POU6F2: variants seen among roughly 807,000 people sequenced by gnomAD.
POU6F2 encodes the protein POU class 6 homeobox 2, also known as POU domain, class 6, transcription factor 2.
POU6F2 carries 31 observed loss-of-function variants against 71.3 expected under a neutral mutation model. The ratio of observed to expected loss-of-function variants is 0.43; its 90% CI spans 0.33 to 0.59. The LOEUF (loss-of-function observed/expected upper bound fraction) is 0.59, where lower values mean the gene tolerates loss of function less well. POU6F2 is among the 20% of genes least tolerant of loss of function. The pLI, the probability that POU6F2 is intolerant of heterozygous loss-of-function variation, is 0.04. For synonymous variants in POU6F2, 347 were observed against 355.7 expected, an observed-to-expected ratio of 0.98 and a Z score of 0.27; for missense variants, 783 against 856.8, an observed-to-expected ratio of 0.91 and a Z score of 1.07.
intron 1 of POU6F2, among the ~76,000 whole-genome samples, chr7:39,054,165 A>G (rs981575449): frequency 6.6e-6 from 1 of 152,148 alleles, no homozygotes; most frequent in African/African-American, 2.4e-5. Context: ...AAATGTTTAT[A>G]TATTTTTTAG....
At chr7:39,132,202 T>C (rs770353871) in intron 2 of POU6F2, among the ~76,000 whole-genome samples, 2 of 152,210 alleles carry the variant, frequency 1.3e-5, no homozygotes, top group Non-Finnish European at 2.9e-5. Flanking sequence ...GTAATTTGTC[T>C]GGTCATTTTG....
At chr7:38,988,450 T>A (rs1469892631) in intron 1 of POU6F2, among the ~76,000 whole-genome samples, 1 of 152,160 alleles carries the variant, frequency 6.6e-6, no homozygotes, top group Non-Finnish European at 1.5e-5. Flanking sequence ...AGAAGAGGAA[T>A]GGAGGGAATG....
At chr7:39,354,386 C>A (rs927750469) in intron 5 of POU6F2, among the ~76,000 whole-genome samples, 1 of 152,124 alleles carries the variant, frequency 6.6e-6, no homozygotes, top group Non-Finnish European at 1.5e-5. Context: ...TAGGAAAAAA[C>A]CTTTAGAAAA....
At chr7:39,238,108 G>A (rs1338580378) in intron 4 of POU6F2, among the ~76,000 whole-genome samples, 1 of 152,058 alleles carries the variant, frequency 6.6e-6, no homozygotes, top group Non-Finnish European at 1.5e-5. Flanking sequence ...TCTGAGGTTC[G>A]CTCACGGGTC....
chr7:39,254,817 ATCT>A (rs1450652572), intron 4 of POU6F2, among the ~76,000 whole-genome samples: 2 of 152,200 alleles, frequency 1.3e-5, no homozygotes, highest in Non-Finnish European at 2.9e-5. Context: ...CAACACATGT[ATCT>A]TCTAAGAGAG....
chr7:39,276,706 G>A (rs112456185), intron 4 of POU6F2, among the ~76,000 whole-genome samples: 73,616 of 151,288 alleles, frequency 0.49, 19,465 homozygotes, highest in East Asian at 0.68. Flanking sequence ...TATACACCAT[G>A]GAATACTATG....
At chr7:39,012,328 C>T (rs942002283) in intron 1 of POU6F2, among the ~76,000 whole-genome samples, 1 of 152,048 alleles carries the variant, frequency 6.6e-6, no homozygotes, top group African/African-American at 2.4e-5. Flanking sequence ...GCTCCTGAGT[C>T]TTCTGCATTC....
At chr7:39,156,542 A>G (rs938073708) in intron 2 of POU6F2, among the ~76,000 whole-genome samples, 2 of 152,184 alleles carry the variant, frequency 1.3e-5, no homozygotes, top group African/African-American at 4.8e-5. Context: ...CAGAAATTTG[A>G]GAGATACTGC....
chr7:39,117,779 A>T (rs187633681), intron 2 of POU6F2, among the ~76,000 whole-genome samples: 1 of 152,088 alleles, frequency 6.6e-6, no homozygotes, highest in Non-Finnish European at 1.5e-5. Context: ...GAGCATGAAG[A>T]TCTCTCCTGC....
intron 6 of POU6F2, among the ~76,000 whole-genome samples, chr7:39,419,176 C>T (rs954823291): frequency 1.5e-5 from 2 of 137,914 alleles, no homozygotes; most frequent in African/African-American, 2.8e-5. Flanking sequence ...CATATATATA[C>T]GTATATATGT....
At chr7:39,358,861 T>G in intron 5 of POU6F2, among the ~76,000 whole-genome samples, 1 of 137,696 alleles carries the variant, frequency 7.3e-6, no homozygotes, top group South Asian at 2.4e-4. Flanking sequence ...AGTGGAGCTG[T>G]ACTTCTGTAT....
chr7:39,015,514 TATAA>T (rs10544661), intron 1 of POU6F2, among the ~76,000 whole-genome samples: 27,588 of 112,058 alleles, frequency 0.25, 4,834 homozygotes, highest in East Asian at 0.4. Flanking sequence ...TTATTATATA[TATAA>T]TATATCTATG....
intron 4 of POU6F2, among the ~76,000 whole-genome samples, chr7:39,215,328 G>C (rs886753493): frequency 9.9e-5 from 15 of 152,130 alleles, no homozygotes; most frequent in African/African-American, 3.6e-4. Context: ...CTGGGCAACA[G>C]AGTGAGACTC....
In POU6F2 at chr7:39,207,660, G is replaced by A. The variant is rs370706772; in HGVS notation, c.598+40G>A. 9.3e-5 allele frequency: 146 copies of A among 1,566,828 alleles called. No homozygotes were observed. The African/African-American group carries it at 1.3e-3, about 14-fold the overall frequency. On this transcript the variant is annotated intron_variant, in intron 4 of 9. Transcript: ENST00000518318. ...CCATGCGCCACGTAAGGCTCTACCC[G>A]TTGGCCAGTATTCTCTGAAGTGGGC...
chr7:39,459,507 A>G (rs1301510918), intron 8 of POU6F2, among the ~76,000 whole-genome samples: 1 of 151,620 alleles, frequency 6.6e-6, no homozygotes, highest in African/African-American at 2.4e-5. Flanking sequence ...CACGACAACT[A>G]GAGTTTCCAT....
At position 39,179,191 on chromosome 7, in the gene POU6F2, T is replaced by C. The variant is rs554687247; in HGVS notation, c.278-25044T>C. On this transcript the variant is annotated intron_variant, in intron 2 of 9. Coordinates refer to ENST00000518318, the MANE Select transcript of POU6F2 (RefSeq NM_001370959.1). ...GACGATTGTCTTAAGTGCCGTGGAA[T>C]GATCCCAAAAGACCAGAGAGGATGC... 3.1e-4 allele frequency among the ~76,000 whole-genome samples: 47 copies of C among 152,350 alleles called. 1 individual carries two copies. The highest frequency in any genetic ancestry group is 1.1e-3 in the African/African-American group (44 of 41,586).
chr7:39,060,468 A>G (rs1207360431), intron 1 of POU6F2, among the ~76,000 whole-genome samples: 1 of 152,234 alleles, frequency 6.6e-6, no homozygotes, highest in African/African-American at 2.4e-5. Flanking sequence ...TGATGTAGTT[A>G]AAAGAAAAAA....
chr7:39,399,827 G>A (rs1787256560), intron 5 of POU6F2, among the ~76,000 whole-genome samples: 1 of 150,820 alleles, frequency 6.6e-6, no homozygotes, highest in African/African-American at 2.5e-5. Context: ...TCCAGCCTGG[G>A]CAACAAAGGG....
At chr7:39,248,433 C>T (rs1783858661) in intron 4 of POU6F2, among the ~76,000 whole-genome samples, 1 of 152,164 alleles carries the variant, frequency 6.6e-6, no homozygotes, top group Admixed American at 6.5e-5. Flanking sequence ...CGCCTTTCCC[C>T]TCCTCAGCCC....
Sources: allele counts gnomAD v4.1 joint callset (sites outside exome capture counted in the v4.1 genomes callset), GRCh38; gene constraint gnomAD v4.1.1; transcripts MANE v1.5; gene names NCBI Gene and HGNC (gene_info 2026-07-23, HGNC 2026-07-21).